Variants in COL23A1 observed in about 807,000 individuals in gnomAD.
COL23A1 encodes the protein collagen type XXIII alpha 1 chain, also known as collagen alpha-1(XXIII) chain.
Under a neutral mutation model 99.3 loss-of-function variants are expected in COL23A1, and 97 were observed. The observed-to-expected ratio is 0.98, with a 90% CI of 0.83 to 1.16. The LOEUF (loss-of-function observed/expected upper bound fraction) is 1.16. Ranked by LOEUF, COL23A1 falls within the 50% of genes most tolerant of loss-of-function variation. The probability of loss-of-function intolerance (pLI) is 0.00; values close to 1 mark genes in which losing one functional copy is unlikely to be tolerated. For synonymous variants in COL23A1, 320 were observed against 308.2 expected (o/e 1.04, Z -0.40); for missense variants, 762 against 757.4 (o/e 1.01, Z -0.07).
intron 2 of COL23A1, among the ~76,000 whole-genome samples, chr5:178,464,196 C>G (rs941490757): frequency 2.6e-4 from 39 of 152,348 alleles, no homozygotes; most frequent in African/African-American, 9.1e-4. Context: ...AAATGCTATA[C>G]CCATTAAACA....
At chr5:178,262,082 G>C in intron 10 of COL23A1, 135 bp downstream of exon 10, 1 of 975,750 alleles carries the variant, frequency 1.0e-6, no homozygotes, top group African/African-American at 1.7e-5. Context: ...ATGCAGACAC[G>C]TACATGCAGA....
At chr5:178,498,217 T>TATATAC in intron 2 of COL23A1, among the ~76,000 whole-genome samples, 2 of 38,400 alleles carry the variant, frequency 5.2e-5, no homozygotes, top group South Asian at 2.2e-3. Flanking sequence ...TATATATATA[T>TATATAC]ATATATATAT....
At chr5:178,311,787 G>A (rs965515258) in intron 2 of COL23A1, among the ~76,000 whole-genome samples, 4 of 143,542 alleles carry the variant, frequency 2.8e-5, no homozygotes, top group Non-Finnish European at 6.0e-5. Flanking sequence ...CTGGAGTGCA[G>A]TGGCGTGATC....
chr5:178,318,722 G>A (rs1003001760), intron 2 of COL23A1, among the ~76,000 whole-genome samples: 12 of 152,170 alleles, frequency 7.9e-5, no homozygotes, highest in African/African-American at 2.9e-4. Context: ...CCCAAATGGC[G>A]AAACCCCATG....
intron 2 of COL23A1, among the ~76,000 whole-genome samples, chr5:178,525,670 A>G (rs595320): frequency 0.055 from 483 of 8,810 alleles, 22 homozygotes; most frequent in Middle Eastern, 0.21. Flanking sequence ...CGCAGACCCC[A>G]GGACCCGAAG....
intron 2 of COL23A1, among the ~76,000 whole-genome samples, chr5:178,354,153 G>A (rs1487635031): frequency 3.3e-5 from 5 of 150,964 alleles, no homozygotes; most frequent in African/African-American, 1.2e-4. Flanking sequence ...TTTTTTTTCA[G>A]TTTTATAATT....
At position 178,589,286 on chromosome 5, in the gene COL23A1, C is replaced by A. The variant is rs1489401604; in HGVS notation, c.294+618G>T. On this transcript the variant is annotated intron_variant, in intron 1 of 28. Coordinates refer to ENST00000390654, the MANE Select transcript of COL23A1 (RefSeq NM_173465.4). The surrounding 1 kb of genome is among the most constrained non-coding windows in gnomAD (Gnocchi z 5.4). ...CTGAAACCAGAATCCAGGTCCTCCA[C>A]CCCCGATTGTTTCTCCTTCCTCTCA... Among the ~76,000 whole-genome samples, 2 of 152,144 alleles carry A rather than the reference C, an allele frequency of 1.3e-5. No individual in the cohort carries two copies. The highest frequency in any genetic ancestry group is 6.5e-5 in the Admixed American group (1 of 15,276).
chr5:178,558,365 T>C (rs759326224), intron 2 of COL23A1, among the ~76,000 whole-genome samples: 3 of 152,118 alleles, frequency 2.0e-5, no homozygotes, highest in Non-Finnish European at 4.4e-5. Flanking sequence ...CCAGTTCTGA[T>C]TGATCCGGGA....
intron 2 of COL23A1, among the ~76,000 whole-genome samples, chr5:178,504,872 A>ATGAGATC (rs1758777189): frequency 6.6e-6 from 1 of 152,208 alleles, no homozygotes; most frequent in Non-Finnish European, 1.5e-5. Flanking sequence ...CGAGTTTTAC[A>ATGAGATC]TGAGATCTGT....
intron 3 of COL23A1, among the ~76,000 whole-genome samples, chr5:178,291,606 C>T (rs1043544487): frequency 1.3e-5 from 2 of 152,072 alleles, no homozygotes; most frequent in African/African-American, 4.8e-5. Context: ...GGGTTTGTTT[C>T]CATGTAATGG....
intron 17 of COL23A1, 91 bp from the exon 18 acceptor site, chr5:178,250,196 C>T: frequency 1.3e-6 from 2 of 1,495,174 alleles, no homozygotes; most frequent in Non-Finnish European, 1.8e-6. Flanking sequence ...GTGCACCCGG[C>T]CCAGGGTGGG....
chr5:178,289,180 G>A (rs115004875), intron 4 of COL23A1, among the ~76,000 whole-genome samples: 570 of 151,988 alleles, frequency 3.8e-3, no homozygotes, highest in Non-Finnish European at 7.1e-3. Context: ...GGCACTGATC[G>A]GGAAACCAAT....
chr5:178,323,184 G>A (rs1030735859), intron 2 of COL23A1, among the ~76,000 whole-genome samples: 1 of 152,152 alleles, frequency 6.6e-6, no homozygotes, highest in South Asian at 2.1e-4. Context: ...GACCCAAATG[G>A]TCCTCACCAT....
At chr5:178,322,457 G>A (rs914590057) in intron 2 of COL23A1, among the ~76,000 whole-genome samples, 7 of 152,160 alleles carry the variant, frequency 4.6e-5, no homozygotes, top group African/African-American at 1.7e-4. Context: ...CTGTTCCCTT[G>A]TGAACAGGAG....
intron 1 of COL23A1, among the ~76,000 whole-genome samples, chr5:178,581,823 G>A (rs1425184279): frequency 6.6e-6 from 1 of 152,100 alleles, no homozygotes; most frequent in Non-Finnish European, 1.5e-5. Context: ...CCCTAAAGAT[G>A]AGCCATCACC....
intron 2 of COL23A1, among the ~76,000 whole-genome samples, chr5:178,391,251 C>T (rs75639104): frequency 0.013 from 1,956 of 152,164 alleles, 42 homozygotes; most frequent in African/African-American, 0.045. Context: ...GTCCATGGCA[C>T]CAAAAAGGTT....
chr5:178,382,584 A>G (rs1052090814), intron 2 of COL23A1, among the ~76,000 whole-genome samples: 1 of 152,032 alleles, frequency 6.6e-6, no homozygotes, highest in Non-Finnish European at 1.5e-5. Context: ...GGGGGTGAGG[A>G]GGGCAGCCCA....
At chr5:178,385,516 C>T in intron 2 of COL23A1, among the ~76,000 whole-genome samples, 1 of 152,208 alleles carries the variant, frequency 6.6e-6, no homozygotes, top group East Asian at 1.9e-4. Flanking sequence ...TGGAGCCTGG[C>T]CGGTCTCCTC....
At chr5:178,356,884 C>T (rs1761686097) in intron 2 of COL23A1, among the ~76,000 whole-genome samples, 1 of 152,012 alleles carries the variant, frequency 6.6e-6, no homozygotes, top group African/African-American at 2.4e-5. Flanking sequence ...GGTCTGCGCA[C>T]TGAGCCTCTC....
Sources: gnomAD v4.1 joint callset for allele counts (sites outside exome capture counted in the v4.1 genomes callset) on GRCh38, gnomAD v4.1.1 for gene constraint, Gnocchi (gnomAD v3.1) non-coding constraint, MANE v1.5 for transcripts, NCBI Gene and HGNC (gene_info 2026-07-23, HGNC 2026-07-21) for gene names.